YY1: variants seen among roughly 807,000 people sequenced by gnomAD.
YY1 encodes transcriptional repressor protein YY1.
In YY1, 2 loss-of-function variants were observed where a neutral mutation model predicts 35.6. The ratio of observed to expected loss-of-function variants is 0.06; its 90% CI spans 0.02 to 0.18. The LOEUF (loss-of-function observed/expected upper bound fraction) is 0.18, where lower values mean the gene tolerates loss of function less well. Among genes scored for constraint, YY1 ranks in the 10% least tolerant of loss-of-function variants. YY1 has a pLI of 1.00. For synonymous variants in YY1, 268 were observed against 238.9 expected, an observed-to-expected ratio of 1.12 and a Z score of -1.12; for missense variants, 322 against 573.4, an observed-to-expected ratio of 0.56 and a Z score of 4.48.
chr14:100,269,443 C>G (rs1455092802), intron 2 of YY1, among the ~76,000 whole-genome samples: 1 of 152,086 alleles, frequency 6.6e-6, no homozygotes. Context: ...ATCATTGTCT[C>G]CAGGTTCAAA....
chr14:100,259,438 T>C (rs1207356043), intron 1 of YY1, among the ~76,000 whole-genome samples: 1 of 151,966 alleles, frequency 6.6e-6, no homozygotes, highest in Non-Finnish European at 1.5e-5. Context: ...GAGAATCACT[T>C]GAACCTGGGA....
intron 1 of YY1, among the ~76,000 whole-genome samples, chr14:100,250,570 T>C (rs78988865): frequency 1.7e-3 from 264 of 152,298 alleles, no homozygotes; most frequent in Non-Finnish European, 3.0e-3. Flanking sequence ...AAGGAACTTA[T>C]ACTACCTTCA....
chr14:100,251,608 C>G (rs186550235), intron 1 of YY1, among the ~76,000 whole-genome samples: 3 of 152,300 alleles, frequency 2.0e-5, no homozygotes, highest in Admixed American at 1.3e-4. Flanking sequence ...CTACTGTTCC[C>G]CCTTAAACCT....
At chr14:100,261,835 T>C (rs561447897) in intron 1 of YY1, among the ~76,000 whole-genome samples, 1 of 152,104 alleles carries the variant, frequency 6.6e-6, no homozygotes, top group African/African-American at 2.4e-5. Flanking sequence ...TGCCAGGAAA[T>C]GTGTGTGGTG....
intron 1 of YY1, among the ~76,000 whole-genome samples, chr14:100,260,935 A>G (rs1891078355): frequency 6.6e-6 from 1 of 151,158 alleles, no homozygotes; most frequent in Admixed American, 6.6e-5. Context: ...AGCTGGGACT[A>G]CAGGCATGCA....
intron 1 of YY1, among the ~76,000 whole-genome samples, chr14:100,248,679 C>CTTTTTTTTTTT (rs11415073): frequency 4.8e-5 from 5 of 105,012 alleles, no homozygotes; most frequent in Non-Finnish European, 5.8e-5. Context: ...GAGTAAAATT[C>CTTTTTTTTTTT]TTTTTTTTTT....
intron 1 of YY1, among the ~76,000 whole-genome samples, chr14:100,240,466 C>G (rs1360071541): frequency 3.3e-5 from 5 of 151,154 alleles, no homozygotes; most frequent in African/African-American, 4.8e-5. Flanking sequence ...CCGCCCCCAA[C>G]TTCCCCGGAC....
chr14:100,242,249 C>T (rs1890758586), intron 1 of YY1, among the ~76,000 whole-genome samples: 1 of 152,024 alleles, frequency 6.6e-6, no homozygotes, highest in Non-Finnish European at 1.5e-5. Context: ...TACGGCTTTG[C>T]TTGCTGAAGT....
Position 100,276,786 on chromosome 14 carries a change from T to C in YY1, c.1062+138T>C. Reference sequence around the variant, plus strand: ...ACTCCTTGGTGAGAAACAAAACTTCTCCTGGGGAGTCGCTTAGAAGGGTTG... The same window carrying C: ...ACTCCTTGGTGAGAAACAAAACTTCCCCTGGGGAGTCGCTTAGAAGGGTTG... On this transcript the variant is annotated intron_variant, in intron 4 of 4. Transcript: ENST00000262238. This position sits in a 1 kb window ranked among gnomAD's most constrained non-coding sequence, Gnocchi z 4.1. The C allele has an allele frequency of 1.5e-6, 2 of 1,312,476 alleles. No individual in the cohort carries two copies. The highest frequency in any genetic ancestry group is 1.2e-5 in the South Asian group (1 of 80,088). 81.3% of individuals were successfully genotyped at this position (1,312,476 alleles called of 1,614,324 possible).
intron 1 of YY1, among the ~76,000 whole-genome samples, chr14:100,250,498 G>C (rs921383584): frequency 6.6e-6 from 1 of 151,894 alleles, no homozygotes; most frequent in Non-Finnish European, 1.5e-5. Flanking sequence ...ATAGAAAATC[G>C]GGATCACAGG....
rs1891295400 is a variant in YY1, at chr14:100,274,722, A to T, written c.867A>T (p.Glu289Asp). Residue 289 changes from glutamate to aspartate, a missense_variant, in exon 3 of 5, where the codon GAA (glutamate) becomes GAT (aspartate). Coordinates refer to ENST00000262238, the MANE Select transcript of YY1 (RefSeq NM_003403.5). The stretch of plus-strand genomic sequence containing the variant: ...GAATGAAGCCAAGAAAAATTAAAGA[A>T]GATGATGCTCCAAGAACAATAGCTT... ...FARMKPRKIK[E>D]DDAPRTIACP... 3 of 1,614,102 alleles carry T rather than the reference A, an allele frequency of 1.9e-6. No individual in the cohort carries two copies. Among genetic ancestry groups the T allele is most frequent in the Non-Finnish European group, 2.5e-6 (3 of 1,179,960 alleles).
intron 1 of YY1, among the ~76,000 whole-genome samples, chr14:100,247,075 A>G (rs754474410): frequency 7.9e-5 from 12 of 152,224 alleles, no homozygotes; most frequent in Non-Finnish European, 1.3e-4. Flanking sequence ...TTCCTGTCCT[A>G]TCTACAGTTA....
At position 100,276,738 on chromosome 14, in the gene YY1, G is replaced by C. The variant is rs1038896169; in HGVS notation, c.1062+90G>C. On this transcript the variant is annotated intron_variant, in intron 4 of 4. Coordinates refer to ENST00000262238, the MANE Select transcript of YY1 (RefSeq NM_003403.5). This position sits in a 1 kb window ranked among gnomAD's most constrained non-coding sequence, Gnocchi z 4.1. ...TGTGGTGATGAGGCAGGAGGCGCCA[G>C]CCCAGAGACTCAGGGTCTTATTACT... The C allele has an allele frequency of 6.3e-7, 1 of 1,590,202 alleles. No individual in the cohort carries two copies. The highest frequency in any genetic ancestry group is 8.6e-7 in the Non-Finnish European group (1 of 1,164,462).
chr14:100,240,656 G>C (rs1438604493), intron 1 of YY1, among the ~76,000 whole-genome samples: 1 of 152,248 alleles, frequency 6.6e-6, no homozygotes, highest in Non-Finnish European at 1.5e-5. Context: ...GGGCTCGCGT[G>C]TGCGGGCTCC....
chr14:100,273,598 C>G (rs1400899259), intron 2 of YY1, among the ~76,000 whole-genome samples: 1 of 151,926 alleles, frequency 6.6e-6, no homozygotes, highest in Non-Finnish European at 1.5e-5. Context: ...CTCCTGGGCT[C>G]AAGCAATCCT....
chr14:100,260,612 A>G (rs930611658), intron 1 of YY1, among the ~76,000 whole-genome samples: 1 of 150,782 alleles, frequency 6.6e-6, no homozygotes, highest in Non-Finnish European at 1.5e-5. Flanking sequence ...AGCCAGGACT[A>G]CAGGTGCCCG....
At chr14:100,257,077 C>T (rs1302758006) in intron 1 of YY1, among the ~76,000 whole-genome samples, 1 of 152,100 alleles carries the variant, frequency 6.6e-6, no homozygotes, top group Admixed American at 6.6e-5. Context: ...GCCACTTGCA[C>T]TTGATATGTC....
At position 100,239,312 on chromosome 14, in the gene YY1, T is replaced by G; in HGVS notation, c.68T>G (p.Leu23Arg). Residue 23 changes from leucine to arginine, a missense_variant, in exon 1 of 5, where the codon CTG (leucine) becomes CGG (arginine). This residue lies in a region of YY1 where 137 missense variants were observed against 167.0 expected (regional missense o/e 0.82). Transcript: ENST00000262238. ...GAGATGCCGGCCGAGATCGTGGAGC[T>G]GCACGAGATCGAGGTGGAGACCATC... ...GSEMPAEIVE[L>R]HEIEVETIPV... 6.2e-7 allele frequency: 1 copy of G among 1,603,042 alleles called. No homozygotes were observed. Among genetic ancestry groups the G allele is most frequent in the Non-Finnish European group, 8.5e-7 (1 of 1,175,854 alleles).
At chr14:100,248,121 C>CTTTTTTTTTTTTTTTTT (rs10694000) in intron 1 of YY1, among the ~76,000 whole-genome samples, 1 of 117,660 alleles carries the variant, frequency 8.5e-6, no homozygotes, top group Non-Finnish European at 1.7e-5. Flanking sequence ...ATTTTTTTTT[C>CTTTTTTTTTTTTTTTTT]TTTTTTTTTT....
Sources: allele counts gnomAD v4.1 joint callset (sites outside exome capture counted in the v4.1 genomes callset), GRCh38; gene constraint gnomAD v4.1.1; regional missense constraint gnomAD v4.1.1; non-coding constraint Gnocchi (gnomAD v3.1); transcripts MANE v1.5; gene names NCBI Gene and HGNC (gene_info 2026-07-23, HGNC 2026-07-21).